The following MLXIPL variants were observed in gnomAD, a reference collection of about 807,000 sequenced individuals.
MLXIPL encodes the protein MLX interacting protein like.
MLXIPL carries 49 observed loss-of-function variants against 81.5 expected under a neutral mutation model. The ratio of observed to expected loss-of-function variants is 0.60; its 90% CI spans 0.48 to 0.76. The LOEUF (loss-of-function observed/expected upper bound fraction) is 0.76, where lower values mean the gene tolerates loss of function less well. MLXIPL is among the 30% of genes least tolerant of loss of function. MLXIPL has a pLI of 0.00. For synonymous variants in MLXIPL, 466 were observed against 485.5 expected, an observed-to-expected ratio of 0.96 and a Z score of 0.53; for missense variants, 1,053 against 1,167.0, an observed-to-expected ratio of 0.90 and a Z score of 1.42.
chr7:73,596,889 G>A lies in MLXIPL; in HGVS notation c.1647C>T (p.Thr549=), dbSNP rs781790111. Reference sequence around the variant, plus strand: ...CCGGGGACCCTGGGGACCGGAGGAGGGTGCTGGATACAAGTGGTGGCTCCA... The same window carrying A: ...CCGGGGACCCTGGGGACCGGAGGAGAGTGCTGGATACAAGTGGTGGCTCCA... ...QALEPPLVSS[T]LLRSPGSPQE... The change falls in exon 10 of 17, where the codon ACC becomes ACT. Residue 549 remains threonine, a synonymous_variant. Coordinates refer to ENST00000313375, the MANE Select transcript of MLXIPL (RefSeq NM_032951.3). This position sits in a 1 kb window ranked among gnomAD's most constrained non-coding sequence, Gnocchi z 4.7. The A allele has an allele frequency of 4.3e-6, 7 of 1,611,406 alleles. No homozygotes were observed. In the South Asian group the frequency reaches 6.6e-5, roughly 15 times the overall value.
rs1162892962 is a variant in MLXIPL at position 73,599,519 on chromosome 7, A to T, written c.1071+7T>A. 6.2e-7 allele frequency: 1 copy of T among 1,612,042 alleles called. No individual in the cohort carries two copies. Among genetic ancestry groups the T allele is most frequent in the Non-Finnish European group, 8.5e-7 (1 of 1,179,666 alleles). On this transcript the variant is annotated splice_region_variant and intron_variant, in intron 8 of 16. Transcript: ENST00000313375. The stretch of plus-strand genomic sequence containing the variant: ...ACACAGGGCTGGACGGGGTGGGGTG[A>T]GCTCACCTGCAGACGGCTGTGTCCA...
intron 7 of MLXIPL, among the ~76,000 whole-genome samples, chr7:73,604,451 T>C (rs797024658): frequency 7.9e-5 from 12 of 151,828 alleles, no homozygotes; most frequent in African/African-American, 2.4e-4. Flanking sequence ...TGCGTGCCTG[T>C]GGTCCCAGCT....
the MLXIPL span, among the ~76,000 whole-genome samples, chr7:73,647,504 G>A: frequency 6.6e-6 from 1 of 152,134 alleles, no homozygotes. Flanking sequence ...GGGCTTCCAG[G>A]ACCCGTGTGC....
the MLXIPL span, among the ~76,000 whole-genome samples, chr7:73,640,635 G>C: frequency 6.6e-6 from 1 of 151,716 alleles, no homozygotes; most frequent in Non-Finnish European, 1.5e-5. Flanking sequence ...AAATTAGCTG[G>C]GCATGGTGGT....
rs1485656569 is a variant in MLXIPL at position 73,595,672 on chromosome 7, G to A, written c.2275C>T (p.Arg759Ter). 2.5e-6 allele frequency: 4 copies of A among 1,614,180 alleles called. No individual in the cohort carries two copies. The highest frequency in any genetic ancestry group is 3.4e-6 in the Non-Finnish European group (4 of 1,180,024). ...TTCCAGTTGTGCAGCGTACGGGTTC[G>A]GACGTAGTCATCAAACATGTCTCGC... ...QMRDMFDDYV[R>*]TRTLHNWKFW... Residue 759 changes from arginine (R) to a stop codon, truncating the protein, a stop_gained, in exon 15 of 17, where the codon CGA (arginine) becomes TGA (stop). Coordinates refer to ENST00000313375, the MANE Select transcript of MLXIPL (RefSeq NM_032951.3). LOFTEE classifies it high-confidence loss of function.
rs782058094 is a variant in MLXIPL, at chr7:73,596,852, C to G, written c.1671+13G>C. The G allele has an allele frequency of 2.5e-6, 4 of 1,610,534 alleles. No homozygotes were observed. In the Admixed American group the frequency reaches 5.0e-5, roughly 20 times the overall value. On this transcript the variant is annotated intron_variant, in intron 10 of 16. Transcript: ENST00000313375. The surrounding 1 kb of genome is among the most constrained non-coding windows in gnomAD (Gnocchi z 4.7). ...GTGGGCACAGCCCCACCGCCCAGTG[C>G]CCGAGATCTTACCGGGGACCCTGGG...
chr7:73,633,519 G>A, the MLXIPL span, among the ~76,000 whole-genome samples: 1 of 151,888 alleles, frequency 6.6e-6, no homozygotes, highest in African/African-American at 2.4e-5. Context: ...ACAGGGTTTC[G>A]TCATGTTGCC....
chr7:73,634,918 C>T, the MLXIPL span, among the ~76,000 whole-genome samples: 5 of 150,908 alleles, frequency 3.3e-5, no homozygotes, highest in Non-Finnish European at 7.4e-5. Flanking sequence ...TGGGTTCAAA[C>T]GATTCTCCTG....
chr7:73,614,579 A>G (rs1401681379), intron 2 of MLXIPL, among the ~76,000 whole-genome samples: 2 of 152,154 alleles, frequency 1.3e-5, no homozygotes, highest in African/African-American at 4.8e-5. Flanking sequence ...TTGATCCTGC[A>G]GCAGAACCTG....
At chr7:73,644,634 C>T in the MLXIPL span, among the ~76,000 whole-genome samples, 1 of 152,100 alleles carries the variant, frequency 6.6e-6, no homozygotes, top group African/African-American at 2.4e-5. Context: ...TTCTTCTGTC[C>T]CTCTTTTCCT....
intron 2 of MLXIPL, among the ~76,000 whole-genome samples, chr7:73,608,188 A>C (rs1349855564): frequency 3.3e-5 from 5 of 152,004 alleles, no homozygotes; most frequent in African/African-American, 1.2e-4. Flanking sequence ...TGTGAATCCA[A>C]CCTCCCACAC....
At chr7:73,633,352 T>G in the MLXIPL span, among the ~76,000 whole-genome samples, 1 of 151,342 alleles carries the variant, frequency 6.6e-6, no homozygotes, top group Non-Finnish European at 1.5e-5. Context: ...AAAGTGTTTT[T>G]TTTTTTTTTT....
chr7:73,625,950 C>T (rs1554603725), upstream of MLXIPL, among the ~76,000 whole-genome samples: 1 of 152,126 alleles, frequency 6.6e-6, no homozygotes, highest in Non-Finnish European at 1.5e-5. Flanking sequence ...CTCACTGACA[C>T]TGAGGTCCAG....
At chr7:73,604,188 C>A (rs1795101712) in intron 7 of MLXIPL, among the ~76,000 whole-genome samples, 1 of 114,382 alleles carries the variant, frequency 8.7e-6, no homozygotes, top group African/African-American at 3.3e-5. Flanking sequence ...TGCATTCCAA[C>A]CTGGGTGACA....
intron 5 of MLXIPL, 177 bp downstream of exon 5, chr7:73,606,795 TCA>T: frequency 1.4e-6 from 1 of 709,194 alleles, no homozygotes; most frequent in Non-Finnish European, 2.4e-6. Flanking sequence ...CACCTCACCC[TCA>T]CCCCCCAAGA....
intron 15 of MLXIPL, 30 bp downstream of exon 15, chr7:73,595,607 C>T (rs1584067328): frequency 6.2e-7 from 1 of 1,613,992 alleles, no homozygotes; most frequent in Non-Finnish European, 8.5e-7. Flanking sequence ...GCCCCTGCAG[C>T]CCCCCAGCCA....
intron 5 of MLXIPL, chr7:73,606,642 T>G (rs1176992012): frequency 1.1e-5 from 4 of 359,836 alleles, no homozygotes; most frequent in Non-Finnish European, 2.1e-5. Flanking sequence ...GCCAGGCTGG[T>G]CTCGAACTCC....
the MLXIPL span, among the ~76,000 whole-genome samples, chr7:73,630,248 C>G: frequency 6.7e-5 from 10 of 148,248 alleles, no homozygotes; most frequent in Non-Finnish European, 1.2e-4. Flanking sequence ...CTGCCCGCCT[C>G]GGCCTCCCAA....
chr7:73,631,242 C>G, the MLXIPL span, among the ~76,000 whole-genome samples: 1 of 151,974 alleles, frequency 6.6e-6, no homozygotes, highest in Non-Finnish European at 1.5e-5. Flanking sequence ...GATCTCCTGA[C>G]CTTGTGATCT....
Sources: allele counts gnomAD v4.1 joint callset (sites outside exome capture counted in the v4.1 genomes callset), GRCh38; gene constraint gnomAD v4.1.1; non-coding constraint Gnocchi (gnomAD v3.1); transcripts MANE v1.5; gene names NCBI Gene and HGNC (gene_info 2026-07-23, HGNC 2026-07-21).